MAP3K5: variants seen among roughly 807,000 people sequenced by gnomAD.
The protein encoded by MAP3K5 is ASK-1.
Under a neutral mutation model 158.7 loss-of-function variants are expected in MAP3K5, and 56 were observed. That is an observed-to-expected ratio of 0.35 (90% CI 0.28 to 0.44). The LOEUF (loss-of-function observed/expected upper bound fraction) is 0.44. Ranked by LOEUF, MAP3K5 falls within the 20% of genes least tolerant of loss-of-function variation. The pLI, the probability that MAP3K5 is intolerant of heterozygous loss-of-function variation, is 1.00. For missense variants in MAP3K5, 1,294 were observed against 1,674.8 expected, an observed-to-expected ratio of 0.77 and a Z score of 3.97; for synonymous variants, 579 against 601.7, an observed-to-expected ratio of 0.96 and a Z score of 0.55.
intron 7 of MAP3K5, among the ~76,000 whole-genome samples, chr6:136,687,689 C>T (rs1377378429): frequency 6.6e-6 from 1 of 152,150 alleles, no homozygotes; most frequent in Admixed American, 6.5e-5. Flanking sequence ...TATCACTGGT[C>T]ATTACAAAAC....
intron 1 of MAP3K5, among the ~76,000 whole-genome samples, chr6:136,751,455 A>G (rs2114923969): frequency 6.6e-6 from 1 of 152,234 alleles, no homozygotes; most frequent in East Asian, 1.9e-4. Flanking sequence ...TTAGAAAAGA[A>G]CATACTGATA....
Position 136,711,832 on chromosome 6 carries a change from G to A in MAP3K5, c.589-6699C>T, listed in dbSNP as rs571077768. On this transcript the variant is annotated intron_variant, in intron 2 of 29. Transcript: ENST00000359015. ...TACTTTAAAGCTATTTATAGGAGGA[G>A]GTATTAATAAACCAAAGCAAACAAC... Among the ~76,000 whole-genome samples, 16 of 152,202 alleles carry A rather than the reference G, an allele frequency of 1.1e-4. No individual in the cohort carries two copies. The South Asian group carries it at 2.9e-3, about 28-fold the overall frequency.
intron 1 of MAP3K5, among the ~76,000 whole-genome samples, chr6:136,741,244 C>T (rs1782694494): frequency 6.6e-6 from 1 of 152,112 alleles, no homozygotes; most frequent in Non-Finnish European, 1.5e-5. Context: ...TTAGCTAGCA[C>T]ACGGAGATAC....
intron 7 of MAP3K5, among the ~76,000 whole-genome samples, chr6:136,673,361 G>A (rs924214384): frequency 2.0e-5 from 3 of 152,148 alleles, no homozygotes; most frequent in East Asian, 1.9e-4. Context: ...TCTGGGATAC[G>A]AGACATGCAA....
In MAP3K5 at chr6:136,723,856, T is replaced by A. The variant is rs542496042; in HGVS notation, c.449-3267A>T. ...TTCCCCCCTCAAGGCTAAAAATGAC[T>A]TAAGGGCTCTTTAATACAAATAAAG... On this transcript the variant is annotated intron_variant, in intron 1 of 29. Transcript: ENST00000359015. Among the ~76,000 whole-genome samples the A allele has an allele frequency of 5.9e-5, 9 of 152,262 alleles. 1 individual carries two copies. The highest frequency in any genetic ancestry group is 2.2e-4 in the African/African-American group (9 of 41,548).
intron 1 of MAP3K5, among the ~76,000 whole-genome samples, chr6:136,756,299 C>A (rs2114946151): frequency 6.6e-6 from 1 of 152,268 alleles, no homozygotes; most frequent in African/African-American, 2.4e-5. Flanking sequence ...AACTGCATGA[C>A]AGAGCCAGAC....
intron 1 of MAP3K5, among the ~76,000 whole-genome samples, chr6:136,765,508 T>C (rs971300537): frequency 2.9e-5 from 4 of 137,056 alleles, no homozygotes; most frequent in African/African-American, 1.2e-4. Flanking sequence ...TATTTTTATC[T>C]TTTTTTATTT....
chr6:136,701,734 C>G (rs536248210), intron 3 of MAP3K5, among the ~76,000 whole-genome samples: 132 of 152,190 alleles, frequency 8.7e-4, no homozygotes, highest in African/African-American at 3.1e-3. Context: ...AGACAAGCAC[C>G]GTAACTCAAA....
intron 8 of MAP3K5, among the ~76,000 whole-genome samples, chr6:136,662,559 TTC>T (rs1247122694): frequency 5.3e-5 from 8 of 151,408 alleles, no homozygotes; most frequent in Admixed American, 4.6e-4. Context: ...CTCTCTTCCT[TTC>T]TCTCTCTCTC....
At chr6:136,785,241 C>A (rs913530718) in intron 1 of MAP3K5, among the ~76,000 whole-genome samples, 1 of 152,126 alleles carries the variant, frequency 6.6e-6, no homozygotes, top group African/African-American at 2.4e-5. Context: ...CAAGTTGGAG[C>A]CAAAGCCTGG....
chr6:136,631,781 T>A (rs376623091), intron 14 of MAP3K5, among the ~76,000 whole-genome samples: 1 of 152,106 alleles, frequency 6.6e-6, no homozygotes, highest in Non-Finnish European at 1.5e-5. Flanking sequence ...ACCCTTCAGA[T>A]TGAATCTCTT....
intron 1 of MAP3K5, among the ~76,000 whole-genome samples, chr6:136,735,779 T>C (rs936243980): frequency 6.6e-6 from 1 of 152,122 alleles, no homozygotes; most frequent in African/African-American, 2.4e-5. Flanking sequence ...CAGTGAGCTA[T>C]GATCGTGCCA....
At chr6:136,604,230 G>A (rs1439492154) in intron 19 of MAP3K5, among the ~76,000 whole-genome samples, 1 of 151,836 alleles carries the variant, frequency 6.6e-6, no homozygotes, top group Non-Finnish European at 1.5e-5. Context: ...GCTGAGGCAC[G>A]AGAATTGCTT....
At chr6:136,685,072 T>C (rs1306572492) in intron 7 of MAP3K5, among the ~76,000 whole-genome samples, 4 of 151,926 alleles carry the variant, frequency 2.6e-5, no homozygotes, top group African/African-American at 9.7e-5. Context: ...TCCCAGCACT[T>C]TGGGAGGTGA....
chr6:136,564,812 T>C (rs781633528), intron 26 of MAP3K5, among the ~76,000 whole-genome samples: 4 of 152,312 alleles, frequency 2.6e-5, no homozygotes, highest in Non-Finnish European at 5.9e-5. Flanking sequence ...CTTAGGAGTA[T>C]GCGTCTATAA....
intron 2 of MAP3K5, among the ~76,000 whole-genome samples, chr6:136,706,451 T>C (rs1033950609): frequency 6.6e-6 from 1 of 152,140 alleles, no homozygotes; most frequent in Admixed American, 6.5e-5. Flanking sequence ...GGAGAGACGA[T>C]CTAGAAAAGC....
intron 1 of MAP3K5, among the ~76,000 whole-genome samples, chr6:136,783,800 G>A (rs1784721629): frequency 6.6e-6 from 1 of 152,208 alleles, no homozygotes; most frequent in African/African-American, 2.4e-5. Context: ...TTCCTGGCTT[G>A]GAGTGGTGTT....
At chr6:136,647,613 T>C (rs1039793672) in intron 11 of MAP3K5, among the ~76,000 whole-genome samples, 18 of 150,996 alleles carry the variant, frequency 1.2e-4, no homozygotes, top group African/African-American at 4.1e-4. Flanking sequence ...CAACCAATCA[T>C]ATCTCCCACC....
At chr6:136,611,248 A>T in intron 18 of MAP3K5, 34 bp downstream of exon 18, 3 of 1,308,044 alleles carry the variant, frequency 2.3e-6, no homozygotes, top group East Asian at 2.3e-5. Flanking sequence ...TTCTTTAATT[A>T]CATAAGATCT....
Sources: gnomAD v4.1 joint callset for allele counts (sites outside exome capture counted in the v4.1 genomes callset) on GRCh38, gnomAD v4.1.1 for gene constraint, MANE v1.5 for transcripts, NCBI Gene and HGNC (gene_info 2026-07-23, HGNC 2026-07-21) for gene names.